LCOR: variants seen among roughly 807,000 people sequenced by gnomAD.
LCOR encodes the protein ligand-dependent corepressor.
In LCOR, 14 loss-of-function variants were observed where a neutral mutation model predicts 64.4. The ratio of observed to expected loss-of-function variants is 0.22; its 90% CI spans 0.14 to 0.34. The LOEUF (loss-of-function observed/expected upper bound fraction) is 0.34. Ranked by LOEUF, LCOR falls within the 10% of genes least tolerant of loss-of-function variation. The probability of loss-of-function intolerance (pLI) is 1.00; values close to 1 mark genes in which losing one functional copy is unlikely to be tolerated. For synonymous variants in LCOR, 643 were observed against 642.5 expected (o/e 1.00, Z -0.01); for missense variants, 1,686 against 1,765.3 (o/e 0.96, Z 0.80).
At chr10:96,926,069 C>T (rs989749556) in intron 4 of LCOR, among the ~76,000 whole-genome samples, 1 of 152,144 alleles carries the variant, frequency 6.6e-6, no homozygotes, top group African/African-American at 2.4e-5. Flanking sequence ...ACAAGATGTT[C>T]TAAATTCATC....
intron 4 of LCOR, among the ~76,000 whole-genome samples, chr10:96,913,902 GAAA>G (rs112962978): frequency 4.3e-5 from 6 of 139,156 alleles, no homozygotes; most frequent in African/African-American, 1.6e-4. Context: ...AGACTGTCTG[GAAA>G]AAAAAAAAAA....
intron 4 of LCOR, among the ~76,000 whole-genome samples, chr10:96,917,821 A>G (rs1846981220): frequency 1.3e-5 from 2 of 152,196 alleles, no homozygotes; most frequent in Admixed American, 6.5e-5. Context: ...AAGGGAGAGG[A>G]AAGTGATACT....
intron 4 of LCOR, among the ~76,000 whole-genome samples, chr10:96,925,256 A>G (rs1847148724): frequency 6.6e-6 from 1 of 151,866 alleles, no homozygotes; most frequent in Non-Finnish European, 1.5e-5. Context: ...TTGTATTTTT[A>G]GTAGAGACAG....
chr10:96,849,858 C>CTTTTTTTTTTTT (rs964263701), intron 2 of LCOR, among the ~76,000 whole-genome samples: 12 of 115,680 alleles, frequency 1.0e-4, no homozygotes, highest in East Asian at 2.5e-4. Flanking sequence ...GTGTCACTCA[C>CTTTTTTTTTTTT]TTTTTTTTTT....
Position 96,949,020 on chromosome 10 carries a change from T to C in LCOR, c.-38T>C, listed in dbSNP as rs375804541. On this transcript the variant is annotated 5_prime_UTR_variant, in exon 6 of 8. Transcript: ENST00000421806. ...TCTTTATTTACAGACAGTCCCTGGG[T>C]CTCCGACCCCAATATTCCCCTAGTG... is the stretch of plus-strand genomic sequence containing the variant. 24 of 1,611,068 alleles carry C rather than the reference T, an allele frequency of 1.5e-5. No homozygotes were observed. Among genetic ancestry groups the C allele is most frequent in the Admixed American group, 8.4e-5 (5 of 59,800 alleles).
At chr10:96,925,777 A>C (rs549898702) in intron 4 of LCOR, among the ~76,000 whole-genome samples, 3 of 152,244 alleles carry the variant, frequency 2.0e-5, no homozygotes, top group East Asian at 1.9e-4. Context: ...GATCCATTTT[A>C]GTTTTAGTAT....
At chr10:96,917,376 T>C (rs1420666757) in intron 4 of LCOR, among the ~76,000 whole-genome samples, 1 of 152,228 alleles carries the variant, frequency 6.6e-6, no homozygotes, top group Non-Finnish European at 1.5e-5. Flanking sequence ...TTGTAATCTA[T>C]AAGGAGTTTT....
chr10:96,838,186 TTAAG>T (rs905459328), intron 2 of LCOR, among the ~76,000 whole-genome samples: 3 of 152,236 alleles, frequency 2.0e-5, no homozygotes, highest in Admixed American at 6.5e-5. Context: ...TTTTCACTTT[TTAAG>T]TGAGATATAA....
intron 2 of LCOR, 90 bp downstream of exon 2, chr10:96,833,569 T>C: frequency 2.1e-6 from 1 of 481,168 alleles, no homozygotes; most frequent in Non-Finnish European, 2.7e-6. Context: ...TCCAGCATTG[T>C]TACTTCCCCG....
intron 7 of LCOR, chr10:96,960,776 T>C (rs1331260304): frequency 6.6e-6 from 1 of 152,196 alleles, no homozygotes; most frequent in East Asian, 1.9e-4. Flanking sequence ...AATTAATTGC[T>C]TTCAAAATCT....
At chr10:96,860,719 G>T (rs1393057971) in intron 2 of LCOR, among the ~76,000 whole-genome samples, 1 of 152,108 alleles carries the variant, frequency 6.6e-6, no homozygotes, top group East Asian at 1.9e-4. Flanking sequence ...CAGAAAATGT[G>T]ATGTTACTTT....
intron 2 of LCOR, among the ~76,000 whole-genome samples, chr10:96,875,727 T>G (rs1489258253): frequency 6.6e-6 from 1 of 152,078 alleles, no homozygotes; most frequent in East Asian, 1.9e-4. Context: ...CTGGGTGTGG[T>G]GGGGTGCCTG....
chr10:96,930,643 T>C (rs1474294476), intron 4 of LCOR, among the ~76,000 whole-genome samples: 1 of 152,218 alleles, frequency 6.6e-6, no homozygotes, highest in Non-Finnish European at 1.5e-5. Context: ...GAGAAAAGCG[T>C]AGAGTAAACT....
chr10:96,892,432 G>A (rs140068183), intron 2 of LCOR, among the ~76,000 whole-genome samples: 58 of 152,202 alleles, frequency 3.8e-4, no homozygotes, highest in African/African-American at 1.4e-3. Flanking sequence ...TCACAGTTCT[G>A]GAGGCTGGGA....
intron 4 of LCOR, among the ~76,000 whole-genome samples, chr10:96,919,205 G>A (rs1421382260): frequency 6.6e-6 from 1 of 152,132 alleles, no homozygotes; most frequent in Non-Finnish European, 1.5e-5. Flanking sequence ...AGTAAGTTTA[G>A]AATATGCCTA....
intron 4 of LCOR, among the ~76,000 whole-genome samples, chr10:96,933,450 CAAAAG>C (rs747575964): frequency 1.3e-5 from 2 of 152,086 alleles, no homozygotes; most frequent in Non-Finnish European, 2.9e-5. Context: ...GAATAAAAGA[CAAAAG>C]AACACAAGTC....
chr10:96,847,552 C>T (rs1255453989), intron 2 of LCOR, among the ~76,000 whole-genome samples: 1 of 152,128 alleles, frequency 6.6e-6, no homozygotes, highest in Non-Finnish European at 1.5e-5. Context: ...AGCAATTCTC[C>T]TGCGTCAGAC....
At chr10:96,919,787 T>C (rs550795620) in intron 4 of LCOR, among the ~76,000 whole-genome samples, 12 of 152,372 alleles carry the variant, frequency 7.9e-5, no homozygotes, top group African/African-American at 2.9e-4. Context: ...TTGCCTAAGA[T>C]AGTGTCCTTA....
At chr10:96,891,421 G>A (rs1846437376) in intron 2 of LCOR, among the ~76,000 whole-genome samples, 2 of 135,004 alleles carry the variant, frequency 1.5e-5, no homozygotes, top group African/African-American at 5.5e-5. Flanking sequence ...CTAGTTAAAG[G>A]TTTGTCAATA....
Sources: gnomAD v4.1 joint callset for allele counts (sites outside exome capture counted in the v4.1 genomes callset) on GRCh38, gnomAD v4.1.1 for gene constraint, MANE v1.5 for transcripts, NCBI Gene and HGNC (gene_info 2026-07-23, HGNC 2026-07-21) for gene names.